FMNL2: variants seen among roughly 807,000 people sequenced by gnomAD.
The protein encoded by FMNL2 is formin-like protein 2.
Under a neutral mutation model 130.2 loss-of-function variants are expected in FMNL2, and 51 were observed. The ratio of observed to expected loss-of-function variants is 0.39; its 90% CI spans 0.31 to 0.49. The LOEUF is 0.49. Ranked by LOEUF, FMNL2 falls within the 20% of genes least tolerant of loss-of-function variation. The pLI is 0.85. For missense variants in FMNL2, 977 were observed against 1,316.2 expected, an observed-to-expected ratio of 0.74 and a Z score of 3.99; for synonymous variants, 465 against 467.1, an observed-to-expected ratio of 1.00 and a Z score of 0.06.
chr2:152,340,498 T>G (rs1681736118), intron 1 of FMNL2, among the ~76,000 whole-genome samples: 1 of 152,252 alleles, frequency 6.6e-6, no homozygotes, highest in Non-Finnish European at 1.5e-5. Flanking sequence ...CTCTTCTATT[T>G]TCAAGCATGG....
chr2:152,485,327 C>T (rs191004523), intron 1 of FMNL2, among the ~76,000 whole-genome samples: 209 of 152,268 alleles, frequency 1.4e-3, no homozygotes, highest in African/African-American at 4.8e-3. Flanking sequence ...CCCGTCTCTA[C>T]TAAAAATACA....
At chr2:152,616,243 A>T (rs1459524234) in intron 12 of FMNL2, among the ~76,000 whole-genome samples, 1 of 151,888 alleles carries the variant, frequency 6.6e-6, no homozygotes, top group African/African-American at 2.4e-5. Context: ...TTGCATGACC[A>T]TACTTACATG....
intron 1 of FMNL2, among the ~76,000 whole-genome samples, chr2:152,506,727 T>G (rs974908876): frequency 6.6e-6 from 1 of 152,244 alleles, no homozygotes; most frequent in African/African-American, 2.4e-5. Context: ...TGGTGCCTCC[T>G]AGACCAAAAG....
At chr2:152,490,369 A>G (rs748895531) in intron 1 of FMNL2, among the ~76,000 whole-genome samples, 1 of 152,098 alleles carries the variant, frequency 6.6e-6, no homozygotes, top group Non-Finnish European at 1.5e-5. Flanking sequence ...TGAAAATCGT[A>G]AGTGTACAGC....
At chr2:152,413,832 C>T (rs1191253992) in intron 1 of FMNL2, among the ~76,000 whole-genome samples, 2 of 152,154 alleles carry the variant, frequency 1.3e-5, no homozygotes, top group Non-Finnish European at 2.9e-5. Context: ...ATACGGATAC[C>T]GATGGACACA....
chr2:152,382,183 ATACT>A, intron 1 of FMNL2, among the ~76,000 whole-genome samples: 1 of 152,214 alleles, frequency 6.6e-6, no homozygotes, highest in East Asian at 1.9e-4. Context: ...TGAAAGTTAC[ATACT>A]TAATAGAAAC....
At chr2:152,580,156 A>G (rs1050575520) in intron 8 of FMNL2, among the ~76,000 whole-genome samples, 3 of 152,182 alleles carry the variant, frequency 2.0e-5, no homozygotes, top group African/African-American at 7.2e-5. Flanking sequence ...TTAAAAGACA[A>G]TTGACATTGT....
At position 152,396,677 on chromosome 2, in the gene FMNL2, A is replaced by G. The variant is rs145489231; in HGVS notation, c.117+60957A>G. ...TAACAAGTATGTTTTTATTTAAGTC[A>G]GGCTTTAACTCTCCCCTCTCTCCCC... On this transcript the variant is annotated intron_variant, in intron 1 of 25. Coordinates refer to ENST00000288670, the MANE Select transcript of FMNL2 (RefSeq NM_052905.4). 9.7e-3 allele frequency among the ~76,000 whole-genome samples: 1,473 copies of G among 152,266 alleles called. 14 individuals carry two copies. Among genetic ancestry groups the G allele is most frequent in the Non-Finnish European group, 0.016 (1,113 of 68,008 alleles).
intron 9 of FMNL2, among the ~76,000 whole-genome samples, chr2:152,590,931 C>T (rs888981484): frequency 1.4e-5 from 2 of 145,432 alleles, no homozygotes; most frequent in African/African-American, 2.5e-5. Flanking sequence ...TAATCCCTCA[C>T]GTGGCTAGAC....
intron 6 of FMNL2, among the ~76,000 whole-genome samples, chr2:152,568,610 C>A (rs1481757496): frequency 6.6e-6 from 1 of 152,130 alleles, no homozygotes; most frequent in African/African-American, 2.4e-5. Flanking sequence ...TGACTCACAT[C>A]TCAGCATGGC....
chr2:152,620,805 TAA>T (rs1247854941), intron 15 of FMNL2, among the ~76,000 whole-genome samples: 9 of 152,266 alleles, frequency 5.9e-5, no homozygotes, highest in African/African-American at 2.2e-4. Context: ...TCACCTAGAA[TAA>T]ATTCACTCCA....
chr2:152,550,298 G>A (rs547367614), intron 4 of FMNL2, among the ~76,000 whole-genome samples: 11 of 152,126 alleles, frequency 7.2e-5, no homozygotes, highest in Non-Finnish European at 1.0e-4. Flanking sequence ...ATGGAACTTG[G>A]GTAAGAATGT....
intron 9 of FMNL2, among the ~76,000 whole-genome samples, chr2:152,589,234 G>C (rs1049987049): frequency 6.6e-5 from 10 of 151,884 alleles, no homozygotes; most frequent in African/African-American, 2.4e-4. Flanking sequence ...GACCCCTTCT[G>C]CTCCACGCAA....
rs982785224 is a variant in FMNL2 at position 152,625,284 on chromosome 2, T to G, written c.1838-154T>G. 4 of 769,208 alleles carry G rather than the reference T, an allele frequency of 5.2e-6. No individual in the cohort carries two copies. The African/African-American group carries it at 6.9e-5, about 13-fold the overall frequency. The allele number at this position is 769,208 out of a possible 1,614,324, so 47.6% of individuals were successfully genotyped here. A position where few individuals can be genotyped will look rare whatever the true frequency, so the allele number is the denominator to read the frequency against. ...TCAAATGGCTCTGGCCAAGGCCATG[T>G]GTGTTGTTTTCCAGCTTTAAAAACC... On this transcript the variant is annotated intron_variant, in intron 15 of 25. Transcript: ENST00000288670.
intron 1 of FMNL2, among the ~76,000 whole-genome samples, chr2:152,491,449 G>C (rs962941657): frequency 2.0e-5 from 3 of 152,200 alleles, no homozygotes; most frequent in African/African-American, 7.2e-5. Flanking sequence ...TTTGTGAAAG[G>C]ACAGTGGGTG....
chr2:152,631,630 A>T (rs1367434995), intron 20 of FMNL2, among the ~76,000 whole-genome samples: 1 of 152,066 alleles, frequency 6.6e-6, no homozygotes, highest in Admixed American at 6.6e-5. Flanking sequence ...TTCAAATCTG[A>T]TGAATTGTTT....
chr2:152,407,035 A>G (rs1026078320), intron 1 of FMNL2, among the ~76,000 whole-genome samples: 1 of 152,150 alleles, frequency 6.6e-6, no homozygotes, highest in Non-Finnish European at 1.5e-5. Context: ...AAGTCAGGAA[A>G]ATATTATTTT....
chr2:152,417,099 A>G (rs56890291), intron 1 of FMNL2, among the ~76,000 whole-genome samples: 47,319 of 151,856 alleles, frequency 0.31, 7,713 homozygotes, highest in Middle Eastern at 0.44. Flanking sequence ...CTTCTACACG[A>G]TTACTTATCC....
At chr2:152,533,994 TA>T (rs1456694222) in intron 2 of FMNL2, among the ~76,000 whole-genome samples, 4 of 152,190 alleles carry the variant, frequency 2.6e-5, no homozygotes, top group Admixed American at 2.6e-4. Flanking sequence ...TCATCGTACT[TA>T]CCAAAACCCA....
Sources: allele counts gnomAD v4.1 joint callset (sites outside exome capture counted in the v4.1 genomes callset), GRCh38; gene constraint gnomAD v4.1.1; transcripts MANE v1.5; gene names NCBI Gene and HGNC (gene_info 2026-07-23, HGNC 2026-07-21).